Variants in ZC3H12B observed in about 807,000 individuals in gnomAD.
The protein encoded by ZC3H12B is zinc finger CCCH-type containing 12B, also known as probable ribonuclease ZC3H12B.
In ZC3H12B, 7 loss-of-function variants were observed where a neutral mutation model predicts 43.9. The ratio of observed to expected loss-of-function variants is 0.16; its 90% CI spans 0.09 to 0.30. The LOEUF is 0.30. Ranked by LOEUF, ZC3H12B falls within the 10% of genes least tolerant of loss-of-function variation. The pLI, the probability that ZC3H12B is intolerant of heterozygous loss-of-function variation, is 1.00. For missense variants in ZC3H12B, 475 were observed against 670.2 expected, an observed-to-expected ratio of 0.71 and a Z score of 3.22; for synonymous variants, 222 against 241.7, an observed-to-expected ratio of 0.92 and a Z score of 0.76.
chrX:65,222,990 A>G, the ZC3H12B span, among the ~76,000 whole-genome samples: 39 of 112,118 alleles, frequency 3.5e-4, no homozygotes, highest in South Asian at 0.011. Context: ...AAACTATAGT[A>G]TAAGGTTATA....
intron 2 of ZC3H12B, among the ~76,000 whole-genome samples, chrX:65,387,549 G>A (rs1198123211): frequency 8.9e-6 from 1 of 111,881 alleles, no homozygotes; most frequent in African/African-American, 3.2e-5. Context: ...CATGTGAGAT[G>A]GGTTTCCTGA....
the ZC3H12B span, among the ~76,000 whole-genome samples, chrX:65,284,577 C>T: frequency 1.8e-5 from 2 of 111,113 alleles, no homozygotes; most frequent in East Asian, 2.8e-4. Context: ...GCCTGGCCAA[C>T]ATGGTGAAAC....
the ZC3H12B span, among the ~76,000 whole-genome samples, chrX:65,273,539 G>C: frequency 1.3e-4 from 15 of 111,526 alleles, no homozygotes; most frequent in South Asian, 5.3e-3. Context: ...TTATTTAAAG[G>C]CATAATGGAT....
chrX:65,459,971 C>T (rs957553563), intron 3 of ZC3H12B, among the ~76,000 whole-genome samples: 1 of 111,833 alleles, frequency 8.9e-6, no homozygotes, highest in African/African-American at 3.3e-5. Context: ...ATCATCTCAG[C>T]CCAAAATCTC....
At chrX:65,157,386 T>G in the ZC3H12B span, among the ~76,000 whole-genome samples, 1 of 112,498 alleles carries the variant, frequency 8.9e-6, no homozygotes, top group Admixed American at 9.5e-5. Flanking sequence ...TATTTAAAAC[T>G]GTGTTATTAC....
At chrX:65,038,531 A>G in the ZC3H12B span, among the ~76,000 whole-genome samples, 1 of 111,667 alleles carries the variant, frequency 9.0e-6, no homozygotes, top group African/African-American at 3.2e-5. Flanking sequence ...CTAAGTAACT[A>G]TTGTACATTT....
chrX:65,222,708 A>G, the ZC3H12B span, among the ~76,000 whole-genome samples: 4 of 109,695 alleles, frequency 3.6e-5, no homozygotes, highest in Admixed American at 9.8e-5. Context: ...TGGAAAAACT[A>G]AAAACACTAT....
intron 3 of ZC3H12B, among the ~76,000 whole-genome samples, chrX:65,426,652 G>T (rs2067087695): frequency 9.0e-6 from 1 of 111,520 alleles, no homozygotes; most frequent in South Asian, 3.7e-4. Flanking sequence ...GCATCCCAGA[G>T]ATTCTGGTAT....
chrX:65,222,996 T>G, the ZC3H12B span, among the ~76,000 whole-genome samples: 1 of 111,338 alleles, frequency 9.0e-6, no homozygotes. Flanking sequence ...TAGTATAAGG[T>G]TATAGTCACC....
the ZC3H12B span, among the ~76,000 whole-genome samples, chrX:65,130,276 G>C: frequency 9.0e-6 from 1 of 111,079 alleles, no homozygotes; most frequent in East Asian, 2.9e-4. Context: ...TGGGTGATTT[G>C]ACTATTAAAA....
At chrX:65,062,922 A>G in the ZC3H12B span, among the ~76,000 whole-genome samples, 6 of 111,392 alleles carry the variant, frequency 5.4e-5, 1 homozygote, top group African/African-American at 1.6e-4. Context: ...CTTTGTAGCA[A>G]TTCTGAATGG....
At chrX:65,167,830 GCTCT>G in the ZC3H12B span, among the ~76,000 whole-genome samples, 2 of 111,467 alleles carry the variant, frequency 1.8e-5, no homozygotes, top group Admixed American at 9.6e-5. Context: ...TCATGATTTG[GCTCT>G]CTATTTGTTA....
chrX:65,186,017 G>A, the ZC3H12B span: 5 of 111,451 alleles, frequency 4.5e-5, no homozygotes, highest in Non-Finnish European at 9.4e-5. Flanking sequence ...AGAAAGGCAC[G>A]CATTTTGGAA....
chrX:65,437,066 C>T (rs2067230323), intron 3 of ZC3H12B, among the ~76,000 whole-genome samples: 1 of 110,695 alleles, frequency 9.0e-6, no homozygotes. Flanking sequence ...AATTCACCTG[C>T]CTCAGCCTCC....
At position 65,394,760 on chromosome X, in the gene ZC3H12B, G is replaced by A. The variant is rs369321896; in HGVS notation, n.296-3833G>A. ...TGAGGAAAGTCAATGGTAGCTTGAT[G>A]GAAATAGAATTGAATCTATAAATTA... is the stretch of plus-strand genomic sequence containing the variant. On this transcript the variant is annotated intron_variant and non_coding_transcript_variant, in intron 2 of 5. Coordinates refer to the ZC3H12B transcript ENST00000617377. Among the ~76,000 whole-genome samples, 16 of 111,915 alleles carry A rather than the reference G, an allele frequency of 1.4e-4. No homozygotes were observed. In the East Asian group the frequency reaches 3.9e-3, roughly 27 times the overall value.
chrX:65,137,648 G>C, the ZC3H12B span, among the ~76,000 whole-genome samples: 2 of 111,738 alleles, frequency 1.8e-5, no homozygotes, highest in Admixed American at 1.9e-4. Context: ...GTTTGAACTA[G>C]ATTTGTGACA....
chrX:65,470,532 A>T (rs1861687179), intron 3 of ZC3H12B, among the ~76,000 whole-genome samples: 1 of 110,624 alleles, frequency 9.0e-6, no homozygotes, highest in South Asian at 3.9e-4. Flanking sequence ...CCCCCTCCTC[A>T]ACTCTTCCTT....
chrX:65,073,066 C>T, the ZC3H12B span, among the ~76,000 whole-genome samples: 4 of 112,274 alleles, frequency 3.6e-5, no homozygotes, highest in Non-Finnish European at 5.6e-5. Context: ...AGGCAAGATG[C>T]TGATATGAGT....
intron 3 of ZC3H12B, among the ~76,000 whole-genome samples, chrX:65,405,793 T>C (rs749320649): frequency 2.1e-4 from 24 of 111,674 alleles, no homozygotes; most frequent in African/African-American, 7.8e-4. Flanking sequence ...AATAAAAGCA[T>C]TAGAAATGAA....
Sources: gnomAD v4.1 joint callset for allele counts (sites outside exome capture counted in the v4.1 genomes callset) on GRCh38, gnomAD v4.1.1 for gene constraint, MANE v1.5 for transcripts, NCBI Gene and HGNC (gene_info 2026-07-23, HGNC 2026-07-21) for gene names.